ATP6V1D: variants seen among roughly 807,000 people sequenced by gnomAD.
The protein encoded by ATP6V1D is V-type proton ATPase subunit D.
In ATP6V1D, 20 loss-of-function variants were observed where a neutral mutation model predicts 39.4. The observed-to-expected ratio is 0.51, with a 90% CI of 0.36 to 0.74. The LOEUF (loss-of-function observed/expected upper bound fraction) is 0.74. ATP6V1D is among the 30% of genes least tolerant of loss of function. The pLI, the probability that ATP6V1D is intolerant of heterozygous loss-of-function variation, is 0.00. For missense variants in ATP6V1D, 228 were observed against 291.6 expected, an observed-to-expected ratio of 0.78 and a Z score of 1.59; for synonymous variants, 100 against 100.5, an observed-to-expected ratio of 0.99 and a Z score of 0.03.
intron 7 of ATP6V1D, among the ~76,000 whole-genome samples, chr14:67,341,431 C>T (rs1488423639): frequency 4.6e-5 from 7 of 151,630 alleles, no homozygotes; most frequent in Admixed American, 1.3e-4. Flanking sequence ...GGAGCGTCTC[C>T]GCCCAGCAGC....
intron 4 of ATP6V1D, 63 bp from the exon 5 acceptor site, chr14:67,347,516 T>C (rs2085627805): frequency 8.4e-6 from 12 of 1,421,954 alleles, no homozygotes; most frequent in African/African-American, 3.0e-5. Flanking sequence ...TTTTTTTTTT[T>C]CTGAGACGGA....
At chr14:67,355,603 A>C (rs2085680464) in intron 1 of ATP6V1D, among the ~76,000 whole-genome samples, 1 of 152,100 alleles carries the variant, frequency 6.6e-6, no homozygotes, top group Non-Finnish European at 1.5e-5. Flanking sequence ...AGCCTCTCTT[A>C]AGAGACTAGA....
chr14:67,353,328 G>GT (rs2085667605), intron 1 of ATP6V1D, among the ~76,000 whole-genome samples: 2 of 152,240 alleles, frequency 1.3e-5, no homozygotes, highest in Admixed American at 6.5e-5. Context: ...CGTCATTATG[G>GT]TAAGACTGGG....
chr14:67,345,297 C>T (rs959319247), intron 6 of ATP6V1D, among the ~76,000 whole-genome samples: 1 of 151,382 alleles, frequency 6.6e-6, no homozygotes, highest in Non-Finnish European at 1.5e-5. Flanking sequence ...TGGCTCATGC[C>T]TGTAATCCTA....
At chr14:67,341,417 G>A (rs1324279060) in intron 7 of ATP6V1D, among the ~76,000 whole-genome samples, 1 of 152,170 alleles carries the variant, frequency 6.6e-6, no homozygotes, top group Non-Finnish European at 1.5e-5. Context: ...CGTCTGGGAA[G>A]TGAGGAGCGT....
intron 4 of ATP6V1D, among the ~76,000 whole-genome samples, chr14:67,348,258 G>C (rs997650794): frequency 6.6e-6 from 1 of 151,808 alleles, no homozygotes; most frequent in Non-Finnish European, 1.5e-5. Context: ...ATTTTTAGTA[G>C]AGACAGGATT....
Position 67,338,713 on chromosome 14 carries a change from T to C in ATP6V1D, c.652A>G (p.Lys218Glu), listed in dbSNP as rs749838978. ...KKKILKEKSE[K>E]DLEQRRAAGE... is the part of the protein sequence containing the mutation. Reference sequence around the variant, plus strand: ...GCTGCTCTCCTTTGCTCCAAGTCCTTCTCAGATTTTTCCTTTAGAATCTTT... The same window carrying C: ...GCTGCTCTCCTTTGCTCCAAGTCCTCCTCAGATTTTTCCTTTAGAATCTTT... Residue 218 changes from lysine (K) to glutamate (E), a missense_variant, in exon 9 of 9, where the codon AAG (lysine) becomes GAG (glutamate). Physicochemically the swap from Lys to Glu is moderately conservative, Grantham distance 56 (BLOSUM62 1). This residue lies in a region of ATP6V1D where 114 missense variants were observed against 128.3 expected (regional missense o/e 0.89). Transcript: ENST00000216442. 7 of 1,613,698 alleles carry C rather than the reference T, an allele frequency of 4.3e-6. No individual in the cohort carries two copies. Among genetic ancestry groups the C allele is most frequent in the South Asian group, 1.1e-5 (1 of 91,066 alleles).
intron 2 of ATP6V1D, among the ~76,000 whole-genome samples, chr14:67,351,911 C>CCAAAAAAAAAAAAAA (rs2085656354): frequency 7.8e-6 from 1 of 128,118 alleles, no homozygotes; most frequent in African/African-American, 3.2e-5. Context: ...GAACCTCTAC[C>CCAAAAAAAAAAAAAA]AAAAAAAAAA....
chr14:67,348,577 A>C (rs2085637245), intron 4 of ATP6V1D, among the ~76,000 whole-genome samples: 2 of 151,696 alleles, frequency 1.3e-5, no homozygotes, highest in South Asian at 2.1e-4. Context: ...GCTGGAGTGC[A>C]GTGGTGCAAT....
Position 67,340,535 on chromosome 14 carries a change from AAT to A in ATP6V1D, c.524-19_524-18del. ...GAATGATGACTAGAATAAAAAAAAA[AAT>A]AATATGTGTGAGAACTTCAAACCCC... is the stretch of plus-strand genomic sequence containing the variant. On this transcript the variant is annotated intron_variant, in intron 7 of 8. Transcript: ENST00000216442. 2 of 1,598,734 alleles carry A rather than the reference AAT, an allele frequency of 1.3e-6. No homozygotes were observed. The highest frequency in any genetic ancestry group is 2.7e-5 in the African/African-American group (2 of 74,612).
At chr14:67,346,269 C>T (rs564086262) in intron 5 of ATP6V1D, among the ~76,000 whole-genome samples, 3 of 152,284 alleles carry the variant, frequency 2.0e-5, no homozygotes, top group Non-Finnish European at 4.4e-5. Context: ...AATTAAATAT[C>T]ACATGAAGCA....
chr14:67,351,802 T>G (rs760410489), intron 2 of ATP6V1D, among the ~76,000 whole-genome samples: 2 of 151,660 alleles, frequency 1.3e-5, no homozygotes, highest in African/African-American at 4.9e-5. Flanking sequence ...ATTACAGGCA[T>G]GAGTCACCAC....
chr14:67,353,349 C>A (rs1206831541), intron 1 of ATP6V1D, among the ~76,000 whole-genome samples: 1 of 152,110 alleles, frequency 6.6e-6, no homozygotes, highest in Non-Finnish European at 1.5e-5. Context: ...TTCCTTATTG[C>A]AGGAGTGGGT....
chr14:67,346,711 A>G (rs1216320729), intron 5 of ATP6V1D, among the ~76,000 whole-genome samples: 1 of 152,244 alleles, frequency 6.6e-6, no homozygotes, highest in Non-Finnish European at 1.5e-5. Context: ...TTATTTAAAA[A>G]GTGGAAGTGG....
At chr14:67,354,188 G>A (rs1212134678) in intron 1 of ATP6V1D, among the ~76,000 whole-genome samples, 4 of 152,144 alleles carry the variant, frequency 2.6e-5, no homozygotes, top group African/African-American at 9.7e-5. Context: ...TCTACCATCA[G>A]TGTTCCATAA....
intron 7 of ATP6V1D, among the ~76,000 whole-genome samples, chr14:67,342,787 CCAAG>C (rs2085595005): frequency 6.6e-6 from 1 of 151,110 alleles, no homozygotes; most frequent in Non-Finnish European, 1.5e-5. Context: ...ATAGAAATTC[CCAAG>C]CAAAGGAATT....
chr14:67,347,934 C>T (rs1566599882), intron 4 of ATP6V1D, among the ~76,000 whole-genome samples: 3 of 147,754 alleles, frequency 2.0e-5, no homozygotes, highest in Admixed American at 6.8e-5. Context: ...TTTTTTGAGA[C>T]AGAGTCTCAC....
intron 6 of ATP6V1D, among the ~76,000 whole-genome samples, chr14:67,344,514 T>G (rs2085606468): frequency 6.6e-6 from 1 of 152,158 alleles, no homozygotes; most frequent in South Asian, 2.1e-4. Context: ...AAAATGGTCT[T>G]CCATGCACAA....
intron 7 of ATP6V1D, among the ~76,000 whole-genome samples, chr14:67,341,512 G>A (rs903716955): frequency 6.6e-6 from 1 of 150,444 alleles, no homozygotes; most frequent in African/African-American, 2.5e-5. Flanking sequence ...GGAGGGAGGT[G>A]GGGGGGGTCA....
Sources: allele counts gnomAD v4.1 joint callset (sites outside exome capture counted in the v4.1 genomes callset), GRCh38; gene constraint gnomAD v4.1.1; regional missense constraint gnomAD v4.1.1; transcripts MANE v1.5; gene names NCBI Gene and HGNC (gene_info 2026-07-23, HGNC 2026-07-21).